TXLNB: variants seen among roughly 807,000 people sequenced by gnomAD.
The protein encoded by TXLNB is taxilin beta.
In TXLNB, 37 loss-of-function variants were observed where a neutral mutation model predicts 57.4. That is an observed-to-expected ratio of 0.64 (90% CI 0.50 to 0.85). The LOEUF is 0.85. Ranked by LOEUF, TXLNB falls within the 40% of genes least tolerant of loss-of-function variation. The pLI, the probability that TXLNB is intolerant of heterozygous loss-of-function variation, is 0.00. For synonymous variants in TXLNB, 302 were observed against 309.6 expected (o/e 0.98, Z 0.26); for missense variants, 848 against 825.6 (o/e 1.03, Z -0.33).
At chr6:139,246,022 C>A (rs1776058870) in intron 8 of TXLNB, among the ~76,000 whole-genome samples, 1 of 152,126 alleles carries the variant, frequency 6.6e-6, no homozygotes, top group Admixed American at 6.5e-5. Flanking sequence ...GGTCATCAAT[C>A]TTTTTAAGAA....
At position 139,255,602 on chromosome 6, in the gene TXLNB, T is replaced by C; in HGVS notation, c.1039A>G (p.Lys347Glu). The change falls in exon 7 of 10, where the codon AAA becomes GAA. Residue 347 changes from lysine (K) to glutamate (E), a missense_variant. Transcript: ENST00000358430. ...ACTGTCTCTTGCTCCTTCAGCACTT[T>C]CGCCTGAAGTTTCCACTCTGCTGCC... Reference protein sequence around the residue: ...NQAAEWKLQAKVLKEQETVLQ... With the variant: ...NQAAEWKLQAEVLKEQETVLQ... The C allele has an allele frequency of 6.2e-7, 1 of 1,613,936 alleles. No homozygotes were observed. The highest frequency in any genetic ancestry group is 1.1e-5 in the South Asian group (1 of 91,078).
At chr6:139,170,446 A>T in the TXLNB span, 1 of 152,206 alleles carries the variant, frequency 6.6e-6, no homozygotes, top group African/African-American at 2.4e-5. Flanking sequence ...AGAGGAAGGG[A>T]CCACTTTGGC....
the TXLNB span, among the ~76,000 whole-genome samples, chr6:139,229,258 G>A: frequency 4.6e-5 from 7 of 152,162 alleles, no homozygotes; most frequent in African/African-American, 1.7e-4. Flanking sequence ...TCTAATACTG[G>A]GTATTATCAG....
At chr6:139,251,679 T>C (rs944334530) in intron 7 of TXLNB, 2 of 152,170 alleles carry the variant, frequency 1.3e-5, no homozygotes, top group African/African-American at 4.8e-5. Flanking sequence ...CAACAAAAAT[T>C]GCCTCAATAT....
the TXLNB span, among the ~76,000 whole-genome samples, chr6:139,208,742 C>T: frequency 6.6e-6 from 1 of 152,128 alleles, no homozygotes; most frequent in Non-Finnish European, 1.5e-5. Context: ...ATCTGGCATC[C>T]CTTTTTTATA....
the TXLNB span, among the ~76,000 whole-genome samples, chr6:139,319,004 G>A: frequency 1.5e-3 from 220 of 144,580 alleles, 1 homozygote; most frequent in South Asian, 0.015. Flanking sequence ...GTGCAATGGC[G>A]CGATCTCAGC....
chr6:139,182,056 C>T, the TXLNB span, among the ~76,000 whole-genome samples: 1 of 152,198 alleles, frequency 6.6e-6, no homozygotes, highest in African/African-American at 2.4e-5. Flanking sequence ...TCTAATTGAA[C>T]GTCTTGCTGA....
At chr6:139,225,779 T>A in the TXLNB span, among the ~76,000 whole-genome samples, 1 of 152,282 alleles carries the variant, frequency 6.6e-6, no homozygotes, top group African/African-American at 2.4e-5. Flanking sequence ...TCAATCCCCA[T>A]GAAAACCCCA....
the TXLNB span, among the ~76,000 whole-genome samples, chr6:139,228,989 G>A: frequency 2.0e-5 from 3 of 152,162 alleles, no homozygotes; most frequent in African/African-American, 7.2e-5. Flanking sequence ...CTGGGTGAGT[G>A]GGTAGGGCTC....
At chr6:139,259,670 T>C (rs182465346) in intron 6 of TXLNB, among the ~76,000 whole-genome samples, 22 of 152,284 alleles carry the variant, frequency 1.4e-4, no homozygotes, top group Middle Eastern at 3.4e-3. Context: ...TGCTTGTCTA[T>C]TGCTTGTCTC....
At chr6:139,272,153 A>G (rs1218605068) in intron 3 of TXLNB, among the ~76,000 whole-genome samples, 1 of 152,020 alleles carries the variant, frequency 6.6e-6, no homozygotes, top group Non-Finnish European at 1.5e-5. Context: ...CTAAAAATAC[A>G]TAAATTAGCC....
chr6:139,184,066 T>A, the TXLNB span, among the ~76,000 whole-genome samples: 3 of 152,148 alleles, frequency 2.0e-5, no homozygotes, highest in Non-Finnish European at 4.4e-5. Flanking sequence ...CAGCGCTTCG[T>A]GAAATTATGT....
chr6:139,166,878 G>A, the TXLNB span: 3 of 1,613,910 alleles, frequency 1.9e-6, no homozygotes, highest in Non-Finnish European at 2.5e-6. Context: ...AGCGGCCCCC[G>A]CTCCTCCAGA....
At chr6:139,217,213 A>G in the TXLNB span, among the ~76,000 whole-genome samples, 177 of 152,272 alleles carry the variant, frequency 1.2e-3, no homozygotes, top group African/African-American at 4.2e-3. Flanking sequence ...AGCAGCTGAC[A>G]GCAGCCTTGC....
chr6:139,174,220 A>T, the TXLNB span, among the ~76,000 whole-genome samples: 2 of 152,260 alleles, frequency 1.3e-5, no homozygotes, highest in African/African-American at 4.8e-5. Flanking sequence ...ATTCATCATT[A>T]TCCTGAAAGG....
the TXLNB span, among the ~76,000 whole-genome samples, chr6:139,181,463 C>G: frequency 1.3e-5 from 2 of 152,194 alleles, no homozygotes; most frequent in African/African-American, 4.8e-5. Context: ...CTGTAGACGT[C>G]CCACGCCTAT....
chr6:139,214,444 A>C, the TXLNB span, among the ~76,000 whole-genome samples: 2 of 152,256 alleles, frequency 1.3e-5, no homozygotes, highest in Admixed American at 1.3e-4. Flanking sequence ...CATGCTAAAA[A>C]CTCTCAATAA....
chr6:139,306,662 C>T, the TXLNB span, among the ~76,000 whole-genome samples: 1 of 152,192 alleles, frequency 6.6e-6, no homozygotes, highest in Non-Finnish European at 1.5e-5. Flanking sequence ...GATATAGTCT[C>T]CAAACCTTTC....
At chr6:139,181,837 C>T in the TXLNB span, among the ~76,000 whole-genome samples, 8 of 152,286 alleles carry the variant, frequency 5.3e-5, no homozygotes, top group Non-Finnish European at 7.4e-5. Context: ...ACTATAACTG[C>T]TGTGTGCAGA....
Sources: gnomAD v4.1 joint callset for allele counts (sites outside exome capture counted in the v4.1 genomes callset) on GRCh38, gnomAD v4.1.1 for gene constraint, MANE v1.5 for transcripts, NCBI Gene and HGNC (gene_info 2026-07-23, HGNC 2026-07-21) for gene names.